RARS2: variants seen among roughly 807,000 people sequenced by gnomAD.
RARS2 encodes arginyl-tRNA synthetase 2, mitochondrial.
RARS2 carries 67 observed loss-of-function variants against 88.5 expected under a neutral mutation model. That is an observed-to-expected ratio of 0.76 (90% CI 0.62 to 0.93). The LOEUF (loss-of-function observed/expected upper bound fraction) is 0.93. Among genes scored for constraint, RARS2 ranks in the 40% least tolerant of loss-of-function variants. The probability of loss-of-function intolerance (pLI) is 0.00; values close to 1 mark genes in which losing one functional copy is unlikely to be tolerated. For missense variants in RARS2, 664 were observed against 684.2 expected, an observed-to-expected ratio of 0.97 and a Z score of 0.33; for synonymous variants, 239 against 230.3, an observed-to-expected ratio of 1.04 and a Z score of -0.34.
chr6:87,573,623 C>T (rs1770493580), intron 1 of RARS2, among the ~76,000 whole-genome samples: 2 of 152,036 alleles, frequency 1.3e-5, no homozygotes, highest in Non-Finnish European at 1.5e-5. Flanking sequence ...CCTAATGCCA[C>T]TGAACTGTAT....
chr6:87,583,410 A>G (rs960457952), intron 1 of RARS2, among the ~76,000 whole-genome samples: 3 of 152,078 alleles, frequency 2.0e-5, no homozygotes, highest in Non-Finnish European at 4.4e-5. Flanking sequence ...ACCAAAATGG[A>G]GAAACCCCAT....
intron 8 of RARS2, among the ~76,000 whole-genome samples, chr6:87,531,199 T>C (rs1038617786): frequency 6.6e-6 from 1 of 152,154 alleles, no homozygotes; most frequent in Non-Finnish European, 1.5e-5. Flanking sequence ...AATAACCAAA[T>C]AGCCAAAAAT....
intron 8 of RARS2, among the ~76,000 whole-genome samples, chr6:87,538,198 A>G (rs993057950): frequency 6.6e-6 from 1 of 152,264 alleles, no homozygotes; most frequent in Non-Finnish European, 1.5e-5. Context: ...GAAGGAAAAG[A>G]GCAACTGAAT....
chr6:87,542,025 T>C (rs1781159377), intron 7 of RARS2, 31 bp from the exon 8 acceptor site: 1 of 1,557,722 alleles, frequency 6.4e-7, no homozygotes, highest in Middle Eastern at 1.7e-4. Flanking sequence ...TGAAAAATTA[T>C]AAAGTTGAAC....
chr6:87,567,612 T>C (rs963326125), intron 2 of RARS2, among the ~76,000 whole-genome samples: 2 of 152,194 alleles, frequency 1.3e-5, no homozygotes, highest in Non-Finnish European at 1.5e-5. Flanking sequence ...GGAATAAAGT[T>C]AGAAATATAG....
At chr6:87,573,636 T>G (rs1276041797) in intron 1 of RARS2, among the ~76,000 whole-genome samples, 1 of 152,152 alleles carries the variant, frequency 6.6e-6, no homozygotes, top group African/African-American at 2.4e-5. Context: ...AACTGTATAC[T>G]TAAAAATGGC....
intron 11 of RARS2, among the ~76,000 whole-genome samples, chr6:87,522,333 T>TAAAAAAAAAAA: frequency 1.1e-5 from 1 of 88,724 alleles, no homozygotes; most frequent in Non-Finnish European, 2.1e-5. Flanking sequence ...CCGTCTCAAT[T>TAAAAAAAAAAA]AAAAAAAAAA....
intron 2 of RARS2, among the ~76,000 whole-genome samples, chr6:87,567,758 C>T (rs1768349443): frequency 6.6e-6 from 1 of 152,030 alleles, no homozygotes; most frequent in Non-Finnish European, 1.5e-5. Flanking sequence ...TGAGGCCCTC[C>T]CCAATATTTA....
At position 87,571,439 on chromosome 6, in the gene RARS2, T is replaced by C. The variant is rs550569820; in HGVS notation, c.37-1849A>G. ...GTGTGAGAACAGACTAATACACATA[T>C]GTATATCCTTTCATTGAGAAATGCA... On this transcript the variant is annotated intron_variant, in intron 1 of 19. Coordinates refer to ENST00000369536, the MANE Select transcript of RARS2 (RefSeq NM_020320.5). 2.6e-5 allele frequency among the ~76,000 whole-genome samples: 4 copies of C among 152,226 alleles called. No homozygotes were observed. In the East Asian group the frequency reaches 5.8e-4, roughly 22 times the overall value.
intron 9 of RARS2, among the ~76,000 whole-genome samples, chr6:87,530,353 G>A (rs1240638848): frequency 6.6e-6 from 1 of 152,134 alleles, no homozygotes; most frequent in African/African-American, 2.4e-5. Flanking sequence ...GTTGTTTCTT[G>A]CTTTATCTTT....
chr6:87,530,537 T>C (rs1484018051), intron 9 of RARS2, among the ~76,000 whole-genome samples: 8 of 151,744 alleles, frequency 5.3e-5, no homozygotes, highest in African/African-American at 7.3e-5. Flanking sequence ...AAAAAATAAA[T>C]ATGAAAAAGT....
rs540978311 is a variant in RARS2, at chr6:87,589,795, G to A, written c.36+127C>T. 1.4e-5 allele frequency: 23 copies of A among 1,602,612 alleles called. No homozygotes were observed. The South Asian group carries it at 1.8e-4, about 12-fold the overall frequency. ...ACCAGCTCCAGAGAAGGGGGAGGAG[G>A]TGGTAGAAACTAACAGGATTCCGTG... On this transcript the variant is annotated intron_variant, in intron 1 of 19. Transcript: ENST00000369536.
chr6:87,528,250 A>C (rs935648077), intron 10 of RARS2, among the ~76,000 whole-genome samples: 393 of 152,264 alleles, frequency 2.6e-3, no homozygotes, highest in African/African-American at 7.2e-3. Flanking sequence ...AACAAAAAAA[A>C]AAAAAAAAAA....
At chr6:87,589,862 G>A (rs1776469639) in intron 1 of RARS2, 60 bp downstream of exon 1, 1 of 1,613,854 alleles carries the variant, frequency 6.2e-7, no homozygotes, top group Non-Finnish European at 8.5e-7. Flanking sequence ...CCGCAGCGGT[G>A]AAAGGCCTTT....
chr6:87,542,113 T>C, intron 7 of RARS2, 119 bp from the exon 8 acceptor site: 8 of 762,840 alleles, frequency 1.0e-5, no homozygotes, highest in South Asian at 1.0e-4. Context: ...TCCTGAGAAG[T>C]ATTACAAAAC....
At chr6:87,526,951 G>A (rs1021094502) in intron 10 of RARS2, among the ~76,000 whole-genome samples, 1 of 151,848 alleles carries the variant, frequency 6.6e-6, no homozygotes, top group Non-Finnish European at 1.5e-5. Flanking sequence ...GATTACAGGC[G>A]TGAGCCACCA....
chr6:87,568,681 T>G (rs965357548), intron 2 of RARS2, among the ~76,000 whole-genome samples: 1 of 152,230 alleles, frequency 6.6e-6, no homozygotes, highest in African/African-American at 2.4e-5. Flanking sequence ...TGGGCCATTT[T>G]AAAGGTGCTT....
At chr6:87,545,591 A>G in intron 7 of RARS2, 25 bp downstream of exon 7, 6 of 1,613,394 alleles carry the variant, frequency 3.7e-6, no homozygotes, top group Non-Finnish European at 5.1e-6. Context: ...AATGAAATGA[A>G]AAATAAAATC....
chr6:87,537,243 T>A lies in RARS2; in HGVS notation c.612+4675A>T, dbSNP rs141925764. On this transcript the variant is annotated intron_variant, in intron 8 of 19. Coordinates refer to ENST00000369536, the MANE Select transcript of RARS2 (RefSeq NM_020320.5). ...TGCCAAAACTAAACTACTAATTGTG[T>A]CCCTGGTATAGCAACTCAAGGGATG... Among the ~76,000 whole-genome samples, 586 of 152,328 alleles carry A rather than the reference T, an allele frequency of 3.8e-3. 3 individuals carry two copies. Among genetic ancestry groups the A allele is most frequent in the Non-Finnish European group, 6.8e-3 (461 of 68,022 alleles).
Sources: gnomAD v4.1 joint callset for allele counts (sites outside exome capture counted in the v4.1 genomes callset) on GRCh38, gnomAD v4.1.1 for gene constraint, MANE v1.5 for transcripts, NCBI Gene and HGNC (gene_info 2026-07-23, HGNC 2026-07-21) for gene names.